Variants in UNC5D observed in about 807,000 individuals in gnomAD.
The protein encoded by UNC5D is netrin receptor UNC5D.
UNC5D carries 39 observed loss-of-function variants against 105.4 expected under a neutral mutation model. The observed-to-expected ratio is 0.37, with a 90% CI of 0.29 to 0.48. UNC5D has a LOEUF of 0.48. Ranked by LOEUF, UNC5D falls within the 20% of genes least tolerant of loss-of-function variation. UNC5D has a pLI of 0.98. For missense variants in UNC5D, 991 were observed against 1,202.4 expected, an observed-to-expected ratio of 0.82 and a Z score of 2.60; for synonymous variants, 452 against 450.4, an observed-to-expected ratio of 1.00 and a Z score of -0.04.
intron 15 of UNC5D, among the ~76,000 whole-genome samples, chr8:35,769,711 TC>T (rs1801925377): frequency 6.6e-6 from 1 of 152,076 alleles, no homozygotes; most frequent in Admixed American, 6.6e-5. Context: ...ATGCCTGTAA[TC>T]CCAGCACTTT....
At chr8:35,615,118 A>T (rs1409382120) in intron 4 of UNC5D, among the ~76,000 whole-genome samples, 1 of 146,556 alleles carries the variant, frequency 6.8e-6, no homozygotes, top group Non-Finnish European at 1.5e-5. Flanking sequence ...GCACACATGT[A>T]GTTCCAGCTA....
At chr8:35,309,462 T>C (rs184236721) in intron 1 of UNC5D, among the ~76,000 whole-genome samples, 1 of 152,250 alleles carries the variant, frequency 6.6e-6, no homozygotes, top group Admixed American at 6.5e-5. Flanking sequence ...GATTTGTGGG[T>C]CTTTGACTAT....
intron 2 of UNC5D, among the ~76,000 whole-genome samples, chr8:35,556,573 C>T (rs1364175076): frequency 6.6e-6 from 1 of 152,088 alleles, no homozygotes; most frequent in African/African-American, 2.4e-5. Flanking sequence ...ATAGGATGTT[C>T]CTGAAAGTAA....
intron 1 of UNC5D, among the ~76,000 whole-genome samples, chr8:35,491,117 T>C (rs1811190784): frequency 6.6e-6 from 1 of 152,176 alleles, no homozygotes; most frequent in Non-Finnish European, 1.5e-5. Flanking sequence ...GGGTTTACCA[T>C]TGTTTTTTAT....
intron 1 of UNC5D, among the ~76,000 whole-genome samples, chr8:35,267,202 C>T (rs141445515): frequency 6.9e-4 from 104 of 150,888 alleles, no homozygotes; most frequent in African/African-American, 2.1e-3. Flanking sequence ...ATTTTGATGG[C>T]GGAAAAAGAA....
intron 1 of UNC5D, among the ~76,000 whole-genome samples, chr8:35,397,563 A>T (rs1480358778): frequency 2.6e-5 from 4 of 152,202 alleles, no homozygotes; most frequent in Non-Finnish European, 5.9e-5. Flanking sequence ...CTCAAGTTGC[A>T]CTTAACATCA....
chr8:35,629,974 G>T (rs1821939054), intron 4 of UNC5D, among the ~76,000 whole-genome samples: 1 of 151,954 alleles, frequency 6.6e-6, no homozygotes, highest in African/African-American at 2.4e-5. Context: ...CCTTTATATT[G>T]AATTATTCAT....
rs536896545 is a variant in UNC5D, at chr8:35,441,595, TGTTA to T, written c.104-107692_104-107689del. On this transcript the variant is annotated intron_variant, in intron 1 of 16. Coordinates refer to ENST00000404895, the MANE Select transcript of UNC5D (RefSeq NM_080872.4). ...ATCCTAGAACAGAAGTAGGTCAAAA[TGTTA>T]GTTAAGAAACTGAGTATGTTAGACG... 1.4e-3 allele frequency among the ~76,000 whole-genome samples: 210 copies of T among 151,936 alleles called. 1 individual carries two copies. Among genetic ancestry groups the T allele is most frequent in the African/African-American group, 4.6e-3 (191 of 41,496 alleles).
chr8:35,333,312 C>T (rs897704957), intron 1 of UNC5D, among the ~76,000 whole-genome samples: 5 of 152,086 alleles, frequency 3.3e-5, no homozygotes, highest in African/African-American at 1.2e-4. Flanking sequence ...CAGAGTGAGA[C>T]CCTGTCTCTG....
intron 1 of UNC5D, chr8:35,256,218 A>G (rs534179006): frequency 6.6e-6 from 1 of 152,208 alleles, no homozygotes; most frequent in South Asian, 2.1e-4. Context: ...AAATCTTTGT[A>G]TACTTGTTTG....
chr8:35,396,380 G>A (rs775675043), intron 1 of UNC5D, among the ~76,000 whole-genome samples: 4 of 152,178 alleles, frequency 2.6e-5, no homozygotes, highest in Non-Finnish European at 4.4e-5. Context: ...TCCTCTTCCA[G>A]TAGAGTCACA....
intron 16 of UNC5D, among the ~76,000 whole-genome samples, chr8:35,786,694 G>A (rs964565339): frequency 6.6e-6 from 1 of 152,102 alleles, no homozygotes; most frequent in African/African-American, 2.4e-5. Flanking sequence ...GCAGGACATA[G>A]AGCTAGAGAT....
chr8:35,693,918 G>T (rs1472376909), intron 7 of UNC5D, among the ~76,000 whole-genome samples: 1 of 152,014 alleles, frequency 6.6e-6, no homozygotes, highest in Non-Finnish European at 1.5e-5. Context: ...TCCACTGTAA[G>T]TAAGGGCCCT....
rs374275116 is a variant in UNC5D, at chr8:35,688,064, G to A, written c.1084+1355G>A. ...AGAGAATGGCGTGAACCCGGGAGGC[G>A]GAGCTTGCAGTGAGCCGAGATAGCA... On this transcript the variant is annotated intron_variant, in intron 7 of 16. Coordinates refer to ENST00000404895, the MANE Select transcript of UNC5D (RefSeq NM_080872.4). 2.8e-4 allele frequency among the ~76,000 whole-genome samples: 43 copies of A among 151,832 alleles called. No individual in the cohort carries two copies. The East Asian group carries it at 4.9e-3, about 17-fold the overall frequency.
At chr8:35,347,005 A>G (rs1811852109) in intron 1 of UNC5D, among the ~76,000 whole-genome samples, 1 of 151,990 alleles carries the variant, frequency 6.6e-6, no homozygotes, top group South Asian at 2.1e-4. Flanking sequence ...AAGCACAATA[A>G]CCATTATTCT....
At chr8:35,446,996 C>T (rs569471224) in intron 1 of UNC5D, among the ~76,000 whole-genome samples, 4 of 152,054 alleles carry the variant, frequency 2.6e-5, no homozygotes, top group Non-Finnish European at 5.9e-5. Context: ...CTTAGCACAG[C>T]GACTCCCATC....
At chr8:35,536,369 C>T (rs994165861) in intron 1 of UNC5D, among the ~76,000 whole-genome samples, 2 of 152,192 alleles carry the variant, frequency 1.3e-5, no homozygotes, top group African/African-American at 4.8e-5. Context: ...TTCATATAAG[C>T]ATCAAAACTT....
intron 16 of UNC5D, among the ~76,000 whole-genome samples, chr8:35,782,731 C>T (rs997820223): frequency 6.6e-6 from 1 of 152,064 alleles, no homozygotes; most frequent in African/African-American, 2.4e-5. Flanking sequence ...TCTTGAACTC[C>T]TGACCTCATG....
At chr8:35,265,786 C>T (rs944923536) in intron 1 of UNC5D, among the ~76,000 whole-genome samples, 5 of 151,924 alleles carry the variant, frequency 3.3e-5, no homozygotes, top group Non-Finnish European at 5.9e-5. Context: ...AGGAGAATGG[C>T]GTGAACCCAG....
Sources: gnomAD v4.1 joint callset for allele counts (sites outside exome capture counted in the v4.1 genomes callset) on GRCh38, gnomAD v4.1.1 for gene constraint, MANE v1.5 for transcripts, NCBI Gene and HGNC (gene_info 2026-07-23, HGNC 2026-07-21) for gene names.